VWA8: variants seen among roughly 807,000 people sequenced by gnomAD.
VWA8 encodes von Willebrand factor A domain containing 8.
A neutral mutation model predicts 241.5 loss-of-function variants in VWA8; 221 were observed. That is an observed-to-expected ratio of 0.91 (90% CI 0.82 to 1.02). The LOEUF is 1.02. Among genes scored for constraint, VWA8 ranks in the 50% least tolerant of loss-of-function variants. The probability of loss-of-function intolerance (pLI) is 0.00; values close to 1 mark genes in which losing one functional copy is unlikely to be tolerated. For missense variants in VWA8, 2,322 were observed against 2,328.7 expected, an observed-to-expected ratio of 1.00 and a Z score of 0.06; for synonymous variants, 852 against 827.1, an observed-to-expected ratio of 1.03 and a Z score of -0.52.
rs375447962 is a variant in VWA8 at position 41,940,072 on chromosome 13, A to G, written c.241+9864T>C. On this transcript the variant is annotated intron_variant, in intron 2 of 44. Transcript: ENST00000379310. ...GCTAGTAAATAGCTAGAGACATCGT[A>G]GCAGACTGTAAAAGGAAAACCAAAC... Among the ~76,000 whole-genome samples, 259 of 152,324 alleles carry G rather than the reference A, an allele frequency of 1.7e-3. 2 individuals are homozygous for G. Among genetic ancestry groups the G allele is most frequent in the African/African-American group, 5.7e-3 (238 of 41,572 alleles).
chr13:41,789,768 G>A (rs2137946217), intron 17 of VWA8, among the ~76,000 whole-genome samples: 1 of 152,278 alleles, frequency 6.6e-6, no homozygotes, highest in African/African-American at 2.4e-5. Flanking sequence ...GAGGGGTTCT[G>A]TGGATACTAG....
chr13:41,643,592 A>C (rs901827145), intron 37 of VWA8, among the ~76,000 whole-genome samples: 1 of 152,198 alleles, frequency 6.6e-6, no homozygotes, highest in Non-Finnish European at 1.5e-5. Context: ...CGTTGTTTGC[A>C]TATGTTAGTC....
intron 39 of VWA8, among the ~76,000 whole-genome samples, chr13:41,610,733 ACCAGGT>A (rs1425704830): frequency 6.6e-6 from 1 of 152,126 alleles, no homozygotes; most frequent in Non-Finnish European, 1.5e-5. Context: ...CCAAACTACT[ACCAGGT>A]CCTGGAATCT....
intron 4 of VWA8, among the ~76,000 whole-genome samples, chr13:41,895,511 C>T (rs1875056687): frequency 6.6e-6 from 1 of 152,136 alleles, no homozygotes; most frequent in African/African-American, 2.4e-5. Flanking sequence ...CAACATAGAG[C>T]ATACATGGTC....
chr13:41,958,146 G>C (rs1319904372), intron 1 of VWA8, among the ~76,000 whole-genome samples: 1 of 152,106 alleles, frequency 6.6e-6, no homozygotes, highest in African/African-American at 2.4e-5. Context: ...AAAAGCAGTG[G>C]GTTTGGGTTG....
chr13:41,573,427 AAAG>A (rs1035218711), intron 43 of VWA8, among the ~76,000 whole-genome samples: 1 of 127,358 alleles, frequency 7.9e-6, no homozygotes, highest in South Asian at 2.7e-4. Flanking sequence ...CAAAACAAAC[AAAG>A]AATAAGACCT....
chr13:41,949,810 A>G, intron 2 of VWA8, 126 bp downstream of exon 2: 1 of 506,178 alleles, frequency 2.0e-6, no homozygotes, highest in Non-Finnish European at 3.4e-6. Flanking sequence ...TAATATTGAT[A>G]AATGTTGAAG....
chr13:41,685,168 A>G lies in VWA8; in HGVS notation c.4206T>C (p.Tyr1402=), dbSNP rs753242813. ...GAGTCCCCCTTTTCTTCTTTCCTCTATAGAATGATGTATCAGTGCCACTTC... is the reference window on the plus strand; with the variant it reads ...GAGTCCCCCTTTTCTTCTTTCCTCTGTAGAATGATGTATCAGTGCCACTTC... ...HKRSGTDTSF[Y]RGKKKRGTPK... Residue 1402 remains tyrosine, a synonymous_variant, in exon 35 of 45, where the codon TAT becomes TAC. Transcript: ENST00000379310. 6.8e-6 allele frequency: 11 copies of G among 1,613,376 alleles called. No homozygotes were observed. The African/African-American group carries it at 1.3e-4, about 20-fold the overall frequency.
At chr13:41,683,728 T>C (rs1593695083) in intron 35 of VWA8, among the ~76,000 whole-genome samples, 1 of 152,044 alleles carries the variant, frequency 6.6e-6, no homozygotes, top group Admixed American at 6.6e-5. Context: ...TGTACGATGG[T>C]GGTGCTTTGG....
At chr13:41,886,917 T>C (rs1874570723) in intron 6 of VWA8, 87 bp from the exon 7 acceptor site, 1 of 1,070,810 alleles carries the variant, frequency 9.3e-7, no homozygotes, top group Admixed American at 2.7e-5. Context: ...ATCCAACCTT[T>C]TAATTAAGCA....
At position 41,605,183 on chromosome 13, in the gene VWA8, G is replaced by A. The variant is rs781287445; in HGVS notation, c.4971C>T (p.Ile1657=). 1 of 1,613,066 alleles carries A rather than the reference G, an allele frequency of 6.2e-7. No homozygotes were observed. Among genetic ancestry groups the A allele is most frequent in the Admixed American group, 1.7e-5 (1 of 59,944 alleles). ...VRRQVHSLRI[I]LDNLQAKGKE... is the part of the protein sequence containing the mutation. ...AGAAGATTACCTGTAAATTATCCAGGATGATTCGGAGGGAGTGCACCTGTC... is the reference window on the plus strand; with the variant it reads ...AGAAGATTACCTGTAAATTATCCAGAATGATTCGGAGGGAGTGCACCTGTC... Residue 1657 remains isoleucine, a synonymous_variant, in exon 40 of 45, where the codon ATC becomes ATT. Transcript: ENST00000379310.
chr13:41,570,329 T>C, intron 44 of VWA8, 139 bp downstream of exon 44: 1 of 692,824 alleles, frequency 1.4e-6, no homozygotes, highest in Non-Finnish European at 2.4e-6. Context: ...TATAAACCCC[T>C]TGAGGCTAGT....
intron 2 of VWA8, among the ~76,000 whole-genome samples, chr13:41,939,090 A>G (rs1022806825): frequency 5.9e-5 from 9 of 152,184 alleles, no homozygotes; most frequent in African/African-American, 2.2e-4. Flanking sequence ...TGCTTGGATA[A>G]GAGTTCAGTG....
At chr13:41,900,648 G>A (rs1875382309) in intron 4 of VWA8, among the ~76,000 whole-genome samples, 1 of 151,600 alleles carries the variant, frequency 6.6e-6, no homozygotes, top group Admixed American at 6.6e-5. Context: ...ATCCTCAAGG[G>A]GTATTATACA....
At position 41,605,233 on chromosome 13, in the gene VWA8, C is replaced by T. The variant is rs767599471; in HGVS notation, c.4921G>A (p.Glu1641Lys). Residue 1641 changes from glutamate to lysine, a missense_variant, in exon 40 of 45, where the codon GAA (glutamate) becomes AAA (lysine). By Grantham distance (56) the Glu-to-Lys change is moderately conservative. Transcript: ENST00000379310. ...QMSEYDAATY[E>K]RFSGAVRRQV... is the part of the protein sequence containing the mutation. Reference sequence around the variant, plus strand: ...CGCCGAACAGCACCTGAAAACCTTTCATAGGTTGCAGCATCGTATTCACTC... The same window carrying T: ...CGCCGAACAGCACCTGAAAACCTTTTATAGGTTGCAGCATCGTATTCACTC... The T allele has an allele frequency of 6.2e-7, 1 of 1,613,202 alleles. No homozygotes were observed. The highest frequency in any genetic ancestry group is 1.7e-5 in the Admixed American group (1 of 59,960).
rs755157457 is a variant in VWA8, at chr13:41,719,645, T to A, written c.3062A>T (p.His1021Leu). The change falls in exon 26 of 45, where the codon CAC (histidine) becomes CTC (leucine). Residue 1021 changes from histidine (H) to leucine (L), a missense_variant. Physicochemically the swap from His to Leu is moderately conservative, Grantham distance 99 (BLOSUM62 -3). Transcript: ENST00000379310. ...TGCTCCGATAGGTATCCCGTATTTG[T>A]GTAAAGTGTTAATCAATATCTCCCT... Reference protein sequence around the residue: ...DMREILINTLHKYGIPIGAKP... With the variant: ...DMREILINTLLKYGIPIGAKP... 19 of 1,613,138 alleles carry A rather than the reference T, an allele frequency of 1.2e-5. No homozygotes were observed. The East Asian group carries it at 4.0e-4, about 34-fold the overall frequency.
intron 9 of VWA8, among the ~76,000 whole-genome samples, chr13:41,875,062 T>C (rs1873834469): frequency 1.3e-5 from 2 of 152,140 alleles, no homozygotes; most frequent in Non-Finnish European, 2.9e-5. Context: ...CATGGGACGG[T>C]CAATGGTCAA....
intron 4 of VWA8, among the ~76,000 whole-genome samples, chr13:41,896,100 G>A (rs903386139): frequency 2.0e-5 from 3 of 151,886 alleles, no homozygotes; most frequent in Non-Finnish European, 4.4e-5. Flanking sequence ...ATTTAAGAAG[G>A]TATGCTAGTC....
intron 17 of VWA8, among the ~76,000 whole-genome samples, chr13:41,787,945 G>T (rs116616581): frequency 6.6e-6 from 1 of 152,080 alleles, no homozygotes; most frequent in Non-Finnish European, 1.5e-5. Context: ...CAGTGGAGAT[G>T]GATTAATGAG....
Sources: allele counts gnomAD v4.1 joint callset (sites outside exome capture counted in the v4.1 genomes callset), GRCh38; gene constraint gnomAD v4.1.1; transcripts MANE v1.5; gene names NCBI Gene and HGNC (gene_info 2026-07-23, HGNC 2026-07-21).